Variants in OPCML observed in about 807,000 individuals in gnomAD.
The protein encoded by OPCML is opioid binding protein/cell adhesion molecule like.
A neutral mutation model predicts 37.8 loss-of-function variants in OPCML; 13 were observed. The ratio of observed to expected loss-of-function variants is 0.34; its 90% CI spans 0.22 to 0.55. The LOEUF is 0.55. OPCML is among the 20% of genes least tolerant of loss of function. The pLI is 0.91. For synonymous variants in OPCML, 176 were observed against 168.8 expected (o/e 1.04, Z -0.33); for missense variants, 341 against 435.6 (o/e 0.78, Z 1.93).
intron 1 of OPCML, among the ~76,000 whole-genome samples, chr11:133,164,490 G>A (rs1565481529): frequency 6.6e-6 from 1 of 152,188 alleles, no homozygotes; most frequent in Non-Finnish European, 1.5e-5. Flanking sequence ...GCCATGAGAT[G>A]GGAAAGAGCT....
chr11:132,603,438 A>T (rs1938062381), intron 3 of OPCML, among the ~76,000 whole-genome samples: 1 of 152,190 alleles, frequency 6.6e-6, no homozygotes, highest in Non-Finnish European at 1.5e-5. Context: ...CATCTCCAAA[A>T]GAGTTCTTAA....
intron 2 of OPCML, among the ~76,000 whole-genome samples, chr11:132,935,632 A>T (rs1444843221): frequency 6.6e-6 from 1 of 152,196 alleles, no homozygotes; most frequent in East Asian, 1.9e-4. Flanking sequence ...CTTTGATTTA[A>T]GTATTATGTA....
chr11:132,498,682 A>G (rs2096238887), intron 4 of OPCML, among the ~76,000 whole-genome samples: 1 of 152,110 alleles, frequency 6.6e-6, no homozygotes, highest in Non-Finnish European at 1.5e-5. Context: ...TTGAGGGCGA[A>G]TTTGAATTCC....
intron 2 of OPCML, among the ~76,000 whole-genome samples, chr11:132,678,011 G>T (rs1942785978): frequency 1.3e-5 from 2 of 152,116 alleles, no homozygotes; most frequent in African/African-American, 4.8e-5. Flanking sequence ...CAGTTAAAGG[G>T]CTGTCATCCA....
intron 2 of OPCML, among the ~76,000 whole-genome samples, chr11:132,814,879 A>T (rs945327760): frequency 5.3e-5 from 8 of 152,150 alleles, no homozygotes; most frequent in Non-Finnish European, 1.0e-4. Context: ...GTGTGGATGA[A>T]GTGGGTCCTA....
At chr11:132,543,293 C>T (rs961942276) in intron 3 of OPCML, among the ~76,000 whole-genome samples, 2 of 152,090 alleles carry the variant, frequency 1.3e-5, no homozygotes, top group Non-Finnish European at 2.9e-5. Context: ...GGAAGGATTG[C>T]TTGAGACCAG....
intron 1 of OPCML, among the ~76,000 whole-genome samples, chr11:133,527,580 T>C (rs2120745741): frequency 6.6e-6 from 1 of 152,352 alleles, no homozygotes; most frequent in African/African-American, 2.4e-5. Flanking sequence ...ATATGGAATG[T>C]CCTCTCCCCT....
chr11:132,868,134 A>C (rs1433288400), intron 2 of OPCML, among the ~76,000 whole-genome samples: 2 of 152,038 alleles, frequency 1.3e-5, no homozygotes, highest in African/African-American at 4.8e-5. Context: ...GTTAAGTGTT[A>C]TTTTCTCAGT....
chr11:132,918,605 A>G (rs1309268575), intron 2 of OPCML, among the ~76,000 whole-genome samples: 1 of 152,202 alleles, frequency 6.6e-6, no homozygotes, highest in Non-Finnish European at 1.5e-5. Context: ...GATATCTCCA[A>G]TAATTTTTTC....
At chr11:133,000,896 C>T (rs539203375) in intron 1 of OPCML, among the ~76,000 whole-genome samples, 8 of 152,264 alleles carry the variant, frequency 5.3e-5, no homozygotes, top group East Asian at 3.9e-4. Context: ...GAGTCCTTCT[C>T]GTATGGTTTC....
intron 3 of OPCML, among the ~76,000 whole-genome samples, chr11:132,632,785 A>C (rs1462491820): frequency 6.6e-6 from 1 of 152,064 alleles, no homozygotes; most frequent in Non-Finnish European, 1.5e-5. Flanking sequence ...GGCCATCTCC[A>C]CATCTCTGCG....
At chr11:133,222,899 G>A (rs1205793363) in intron 1 of OPCML, among the ~76,000 whole-genome samples, 1 of 152,092 alleles carries the variant, frequency 6.6e-6, no homozygotes, top group African/African-American at 2.4e-5. Flanking sequence ...AGGCTGGGAA[G>A]CACTTGGAAT....
chr11:132,714,873 CAG>C (rs1450824202), intron 2 of OPCML, among the ~76,000 whole-genome samples: 9 of 152,114 alleles, frequency 5.9e-5, no homozygotes, highest in African/African-American at 2.2e-4. Context: ...TGGAAGATAA[CAG>C]AGAGCTCTGA....
At chr11:133,362,824 T>C (rs1944453603) in intron 1 of OPCML, among the ~76,000 whole-genome samples, 1 of 151,938 alleles carries the variant, frequency 6.6e-6, no homozygotes, top group Admixed American at 6.6e-5. Flanking sequence ...CTAATCCCAC[T>C]ACCTACCTTC....
In OPCML at chr11:132,777,038, C is replaced by A. The variant is rs114073735; in HGVS notation, c.147-119719G>T. Among the ~76,000 whole-genome samples the A allele has an allele frequency of 3.9e-3, 594 of 152,244 alleles. 7 individuals are homozygous for A. Among genetic ancestry groups the A allele is most frequent in the African/African-American group, 0.014 (571 of 41,540 alleles). On this transcript the variant is annotated intron_variant, in intron 2 of 7. Coordinates refer to ENST00000524381, the MANE Select transcript of OPCML (RefSeq NM_001012393.5). Reference sequence around the variant, plus strand: ...AAGCTGGGAAGGCTTCCCACACTACCCTTCTCCATGCACCATCACCAAAGG... The same window carrying A: ...AAGCTGGGAAGGCTTCCCACACTACACTTCTCCATGCACCATCACCAAAGG...
At chr11:133,484,337 C>G (rs1388046824) in intron 1 of OPCML, among the ~76,000 whole-genome samples, 1 of 151,964 alleles carries the variant, frequency 6.6e-6, no homozygotes, top group African/African-American at 2.4e-5. Flanking sequence ...ATGATAATGT[C>G]CCATGAATGA....
At chr11:132,444,166 A>G (rs1369490829) in intron 4 of OPCML, among the ~76,000 whole-genome samples, 1 of 152,158 alleles carries the variant, frequency 6.6e-6, no homozygotes, top group African/African-American at 2.4e-5. Flanking sequence ...TCACTTCTAG[A>G]TGGCAGCCTT....
At chr11:132,907,819 C>T (rs1007194120) in intron 2 of OPCML, among the ~76,000 whole-genome samples, 13 of 152,060 alleles carry the variant, frequency 8.5e-5, no homozygotes, top group Admixed American at 7.9e-4. Context: ...ACGCTATGGT[C>T]GAGTTAGTAG....
intron 3 of OPCML, among the ~76,000 whole-genome samples, chr11:132,611,324 C>A (rs184845371): frequency 1.1e-4 from 17 of 152,282 alleles, no homozygotes; most frequent in Admixed American, 3.3e-4. Context: ...CACCCCCCAG[C>A]ACCACCCATT....
Sources: gnomAD v4.1 joint callset for allele counts (sites outside exome capture counted in the v4.1 genomes callset) on GRCh38, gnomAD v4.1.1 for gene constraint, MANE v1.5 for transcripts, NCBI Gene and HGNC (gene_info 2026-07-23, HGNC 2026-07-21) for gene names.